RASGRP3: variants seen among roughly 807,000 people sequenced by gnomAD.
The protein encoded by RASGRP3 is RAS guanyl releasing protein 3.
In RASGRP3, 54 loss-of-function variants were observed where a neutral mutation model predicts 82.7. That is an observed-to-expected ratio of 0.65 (90% CI 0.52 to 0.82). The LOEUF (loss-of-function observed/expected upper bound fraction) is 0.82, where lower values mean the gene tolerates loss of function less well. RASGRP3 is among the 40% of genes least tolerant of loss of function. The pLI, the probability that RASGRP3 is intolerant of heterozygous loss-of-function variation, is 0.00. For missense variants in RASGRP3, 861 were observed against 828.9 expected, an observed-to-expected ratio of 1.04 and a Z score of -0.48; for synonymous variants, 309 against 300.5, an observed-to-expected ratio of 1.03 and a Z score of -0.29.
rs557690373 is a variant in RASGRP3, at chr2:33,535,570, T to G, written c.1161+1170T>G. Among the ~76,000 whole-genome samples, 92 of 152,396 alleles carry G rather than the reference T, an allele frequency of 6.0e-4. 1 individual carries two copies. In the Middle Eastern group the frequency reaches 0.017, roughly 28 times the overall value. ...GGCAGTGAGAGCCGTCCTCTGGCCC[T>G]GGCAGGGCATGCACTTGAGCCTGAG... On this transcript the variant is annotated intron_variant, in intron 11 of 17. Transcript: ENST00000403687.
intron 1 of RASGRP3, among the ~76,000 whole-genome samples, chr2:33,478,477 G>A (rs775061480): frequency 2.0e-5 from 3 of 152,144 alleles, no homozygotes; most frequent in Non-Finnish European, 1.5e-5. Context: ...ACCCTCTGGT[G>A]AAATTGTGTC....
intron 1 of RASGRP3, among the ~76,000 whole-genome samples, chr2:33,498,925 GT>G (rs1010927653): frequency 2.0e-5 from 3 of 151,838 alleles, no homozygotes; most frequent in African/African-American, 7.3e-5. Flanking sequence ...AGAAATAAGT[GT>G]TTATTCAACA....
intron 2 of RASGRP3, chr2:33,458,226 T>C (rs1666153245): frequency 6.6e-6 from 1 of 152,254 alleles, no homozygotes; most frequent in Non-Finnish European, 1.5e-5. Flanking sequence ...AATGCCATTT[T>C]TAGTGCACCA....
At chr2:33,500,222 A>C (rs1669736757) in intron 1 of RASGRP3, among the ~76,000 whole-genome samples, 1 of 152,220 alleles carries the variant, frequency 6.6e-6, no homozygotes, top group Non-Finnish European at 1.5e-5. Context: ...TGCAGGGGGC[A>C]GGCTTTGTAT....
intron 1 of RASGRP3, among the ~76,000 whole-genome samples, chr2:33,508,274 G>A (rs559949954): frequency 6.6e-6 from 1 of 152,176 alleles, no homozygotes; most frequent in Admixed American, 6.5e-5. Flanking sequence ...CATATCAAGG[G>A]GAAATTTTGA....
chr2:33,445,930 A>G (rs1291080584), intron 1 of RASGRP3, among the ~76,000 whole-genome samples: 1 of 152,172 alleles, frequency 6.6e-6, no homozygotes, highest in South Asian at 2.1e-4. Flanking sequence ...AGGAAAAGCA[A>G]ATTTACCAAC....
At position 33,495,001 on chromosome 2, in the gene RASGRP3, G is replaced by C. The variant is rs866095478; in HGVS notation, c.-260-16709G>C. On this transcript the variant is annotated intron_variant, in intron 1 of 17. Coordinates refer to ENST00000403687, the MANE Select transcript of RASGRP3 (RefSeq NM_001139488.2). ...AATTTGTCTTGCAATTTGAAATTAC[G>C]TTTAGAGTAAACATGTGTCAGAAGG... Among the ~76,000 whole-genome samples the C allele has an allele frequency of 3.9e-5, 6 of 152,168 alleles. No homozygotes were observed. In the South Asian group the frequency reaches 1.2e-3, roughly 32 times the overall value.
chr2:33,529,322 A>G (rs948337245), intron 10 of RASGRP3, among the ~76,000 whole-genome samples: 6 of 151,430 alleles, frequency 4.0e-5, no homozygotes, highest in Non-Finnish European at 5.9e-5. Flanking sequence ...GTGAAACGCC[A>G]TCTCTACTAA....
At chr2:33,445,747 T>C (rs114954819) in intron 1 of RASGRP3, among the ~76,000 whole-genome samples, 1,670 of 152,060 alleles carry the variant, frequency 0.011, 27 homozygotes, top group African/African-American at 0.038. Context: ...CACATTAATA[T>C]ATTAATAATA....
At chr2:33,486,072 A>G (rs914009476) in intron 1 of RASGRP3, among the ~76,000 whole-genome samples, 4 of 152,244 alleles carry the variant, frequency 2.6e-5, no homozygotes, top group African/African-American at 9.6e-5. Context: ...CATGTAGGTA[A>G]CAAAAGTAAG....
rs750165441 is a variant in RASGRP3, at chr2:33,564,110, T to C, written c.*1373T>C. 3 of 152,276 alleles carry C rather than the reference T, an allele frequency of 2.0e-5. No homozygotes were observed. Among genetic ancestry groups the C allele is most frequent in the Admixed American group, 6.5e-5 (1 of 15,284 alleles). 9.4% of individuals were successfully genotyped at this position (152,276 alleles called of 1,614,324 possible). On this transcript the variant is annotated 3_prime_UTR_variant, in exon 18 of 18. Transcript: ENST00000403687. ...AAGCCTTTCTCCTTTCTTTTCTCCA[T>C]TGAGGACAGTTCTGCTCAGCAAAAT...
chr2:33,560,469 T>C (rs1676522492), intron 17 of RASGRP3, among the ~76,000 whole-genome samples: 2 of 152,234 alleles, frequency 1.3e-5, no homozygotes, highest in Admixed American at 6.5e-5. Context: ...AGGGTGTTCA[T>C]GACAGTACTT....
At chr2:33,512,422 C>T (rs1671013216) in intron 2 of RASGRP3, among the ~76,000 whole-genome samples, 1 of 152,158 alleles carries the variant, frequency 6.6e-6, no homozygotes, top group African/African-American at 2.4e-5. Context: ...TCTGTATACA[C>T]ATGAAGGTAA....
chr2:33,495,561 A>G (rs1456002555), intron 1 of RASGRP3, among the ~76,000 whole-genome samples: 1 of 152,104 alleles, frequency 6.6e-6, no homozygotes, highest in Non-Finnish European at 1.5e-5. Flanking sequence ...CCAGGAAGAT[A>G]TTATAATGAT....
intron 1 of RASGRP3, among the ~76,000 whole-genome samples, chr2:33,439,963 T>G (rs646374): frequency 6.6e-6 from 1 of 152,144 alleles, no homozygotes; most frequent in African/African-American, 2.4e-5. Context: ...TGGAGACACA[T>G]CTGAGAACAA....
intron 1 of RASGRP3, among the ~76,000 whole-genome samples, chr2:33,503,426 G>A (rs377537104): frequency 1.0e-3 from 159 of 152,286 alleles, no homozygotes; most frequent in African/African-American, 3.5e-3. Flanking sequence ...AAGACATATC[G>A]TTGGCTCTTG....
intron 1 of RASGRP3, among the ~76,000 whole-genome samples, chr2:33,505,646 A>G (rs1275989635): frequency 6.6e-6 from 1 of 152,178 alleles, no homozygotes; most frequent in Admixed American, 6.5e-5. Flanking sequence ...GAAAATATTG[A>G]TCTTTAAAAA....
intron 1 of RASGRP3, among the ~76,000 whole-genome samples, chr2:33,506,901 A>G (rs548183213): frequency 6.6e-6 from 1 of 152,334 alleles, no homozygotes; most frequent in East Asian, 1.9e-4. Flanking sequence ...TATTCATACT[A>G]TCCCAGTAGG....
At chr2:33,512,295 C>T (rs974743305) in intron 2 of RASGRP3, among the ~76,000 whole-genome samples, 2 of 152,160 alleles carry the variant, frequency 1.3e-5, no homozygotes, top group Non-Finnish European at 2.9e-5. Flanking sequence ...TGAACACCTT[C>T]CCCAGACAGC....
Sources: allele counts gnomAD v4.1 joint callset (sites outside exome capture counted in the v4.1 genomes callset), GRCh38; gene constraint gnomAD v4.1.1; transcripts MANE v1.5; gene names NCBI Gene and HGNC (gene_info 2026-07-23, HGNC 2026-07-21).